BTN3A2: variants seen among roughly 807,000 people sequenced by gnomAD.
BTN3A2 encodes the protein butyrophilin protein.
In BTN3A2, 25 loss-of-function variants were observed where a neutral mutation model predicts 37.6. The observed-to-expected ratio is 0.66, with a 90% CI of 0.48 to 0.93. The LOEUF (loss-of-function observed/expected upper bound fraction) is 0.93, where lower values mean the gene tolerates loss of function less well. Among genes scored for constraint, BTN3A2 ranks in the 40% least tolerant of loss-of-function variants. The probability of loss-of-function intolerance (pLI) is 0.00; values close to 1 mark genes in which losing one functional copy is unlikely to be tolerated. For missense variants in BTN3A2, 266 were observed against 410.9 expected, an observed-to-expected ratio of 0.65 and a Z score of 3.05; for synonymous variants, 122 against 159.4, an observed-to-expected ratio of 0.77 and a Z score of 1.77.
intron 1 of BTN3A2, among the ~76,000 whole-genome samples, chr6:26,366,482 T>C (rs1479932467): frequency 6.6e-6 from 1 of 152,240 alleles, no homozygotes; most frequent in East Asian, 1.9e-4. Context: ...TATATTTTTT[T>C]CTTTGGCAAA....
At chr6:26,365,745 G>A (rs751471685) in intron 1 of BTN3A2, among the ~76,000 whole-genome samples, 15 of 152,004 alleles carry the variant, frequency 9.9e-5, no homozygotes, top group African/African-American at 3.6e-4. Context: ...CCAACTCAAG[G>A]CATCTATTCT....
Position 26,376,022 on chromosome 6 carries a change from C to T in BTN3A2, c.*260C>T, listed in dbSNP as rs1205553230. ...GAGATCAAGACCATCCTGGCTAACACGGTGAAACCCCGTCTCTACTAAAAA... is the reference window on the plus strand; with the variant it reads ...GAGATCAAGACCATCCTGGCTAACATGGTGAAACCCCGTCTCTACTAAAAA... On this transcript the variant is annotated 3_prime_UTR_variant, in exon 11 of 11. Coordinates refer to ENST00000377708, the MANE Select transcript of BTN3A2 (RefSeq NM_007047.5). The T allele has an allele frequency of 1.2e-5, 7 of 585,130 alleles. No individual in the cohort carries two copies. Among genetic ancestry groups the T allele is most frequent in the South Asian group, 2.7e-5 (1 of 37,200 alleles). 36.2% of individuals were successfully genotyped at this position (585,130 alleles called of 1,614,324 possible).
intron 5 of BTN3A2, among the ~76,000 whole-genome samples, chr6:26,372,276 CA>C (rs1760193421): frequency 6.6e-6 from 1 of 152,116 alleles, no homozygotes; most frequent in Non-Finnish European, 1.5e-5. Context: ...TTTTAAACTT[CA>C]ACAAGCAATT....
intron 5 of BTN3A2, among the ~76,000 whole-genome samples, chr6:26,372,354 A>G (rs1760198440): frequency 6.6e-6 from 1 of 152,232 alleles, no homozygotes; most frequent in Non-Finnish European, 1.5e-5. Context: ...CTCAGGAAAT[A>G]GGTATTATCA....
chr6:26,365,378 C>G (rs781780383), intron 1 of BTN3A2, 26 bp downstream of exon 1: 1 of 1,535,776 alleles, frequency 6.5e-7, no homozygotes, highest in Non-Finnish European at 8.7e-7. Context: ...TGATTAGAGC[C>G]TGGGCTACAA....
At chr6:26,370,736 C>T in intron 5 of BTN3A2, 133 bp downstream of exon 5, 1 of 1,441,554 alleles carries the variant, frequency 6.9e-7, no homozygotes, top group Non-Finnish European at 9.2e-7. Context: ...CTGGAGGCTC[C>T]TCTTTGTGCC....
chr6:26,374,233 AAAAAAAAG>A, intron 8 of BTN3A2, 86 bp from the exon 9 acceptor site: 4 of 491,300 alleles, frequency 8.1e-6, no homozygotes, highest in East Asian at 3.8e-5. Context: ...AAAAAAAAAA[AAAAAAAAG>A]ACTAGATGGA....
chr6:26,373,181 T>G (rs1389965111), intron 6 of BTN3A2, 84 bp downstream of exon 6: 2 of 1,603,450 alleles, frequency 1.2e-6, no homozygotes, highest in East Asian at 4.5e-5. Context: ...ACCCTGGCAC[T>G]GCATCATGTT....
In BTN3A2 at chr6:26,376,454, G is replaced by A; in HGVS notation, c.*692G>A. 1 of 873,844 alleles carries A rather than the reference G, an allele frequency of 1.1e-6. No homozygotes were observed. The highest frequency in any genetic ancestry group is 1.6e-6 in the Non-Finnish European group (1 of 622,526). 54.1% of individuals were successfully genotyped at this position (873,844 alleles called of 1,614,324 possible). The stretch of plus-strand genomic sequence containing the variant: ...TGATGAGAGAATCACATTCAGGGCA[G>A]GCTAGGGACACGGGGTTCTGGAAGG... On this transcript the variant is annotated 3_prime_UTR_variant, in exon 11 of 11. Coordinates refer to ENST00000377708, the MANE Select transcript of BTN3A2 (RefSeq NM_007047.5).
At chr6:26,365,751 A>C (rs1762006774) in intron 1 of BTN3A2, among the ~76,000 whole-genome samples, 1 of 152,192 alleles carries the variant, frequency 6.6e-6, no homozygotes, top group South Asian at 2.1e-4. Flanking sequence ...CAAGGCATCT[A>C]TTCTGAGAAA....
intron 10 of BTN3A2, 90 bp downstream of exon 10, chr6:26,374,888 A>G (rs1385827597): frequency 7.3e-7 from 1 of 1,374,022 alleles, no homozygotes; most frequent in East Asian, 2.3e-5. Flanking sequence ...TGTGATTTGG[A>G]GCAGAAAAGT....
chr6:26,370,799 C>T (rs1760035778), intron 5 of BTN3A2, among the ~76,000 whole-genome samples, 196 bp downstream of exon 5: 2 of 152,168 alleles, frequency 1.3e-5, no homozygotes, highest in Admixed American at 1.3e-4. Flanking sequence ...ATTTTCTGAA[C>T]ATTTCCTATC....
chr6:26,368,428 A>G, intron 3 of BTN3A2, 137 bp from the exon 4 acceptor site: 1 of 1,534,790 alleles, frequency 6.5e-7, no homozygotes, highest in East Asian at 2.3e-5. Context: ...TGTCACAAAG[A>G]GACAAATGGT....
At chr6:26,367,343 C>T (rs1228919006) in intron 1 of BTN3A2, among the ~76,000 whole-genome samples, 3 of 152,126 alleles carry the variant, frequency 2.0e-5, no homozygotes, top group East Asian at 1.9e-4. Context: ...TGCACCCATG[C>T]GAGTACTTCG....
intron 1 of BTN3A2, among the ~76,000 whole-genome samples, chr6:26,366,275 C>A (rs1291492595): frequency 6.6e-6 from 1 of 152,148 alleles, no homozygotes; most frequent in African/African-American, 2.4e-5. Flanking sequence ...CTAGATTGAA[C>A]AGCCTTATCC....
chr6:26,365,998 A>C (rs1213183877), intron 1 of BTN3A2, among the ~76,000 whole-genome samples: 2 of 152,170 alleles, frequency 1.3e-5, no homozygotes, highest in Non-Finnish European at 2.9e-5. Flanking sequence ...CCTTATATTA[A>C]ACCATTTTTG....
In BTN3A2 at chr6:26,368,819, CACA is replaced by C. The variant is rs1339911332; in HGVS notation, c.343_345del (p.Asn115del). 19 of 1,607,774 alleles carry C rather than the reference CACA, an allele frequency of 1.2e-5. No individual in the cohort carries two copies. Among genetic ancestry groups the C allele is most frequent in the East Asian group, 6.7e-5 (3 of 44,808 alleles). On this transcript the variant is annotated inframe_deletion, in exon 4 of 11. Coordinates refer to ENST00000377708, the MANE Select transcript of BTN3A2 (RefSeq NM_007047.5). The stretch of plus-strand genomic sequence containing the variant: ...TGCAGGGAAGGCTGCTCTCCGAATA[CACA>C]ACGTCACAGCCTCTGACAGTGGAAA...
chr6:26,375,494 C>T, intron 10 of BTN3A2: 2 of 727,716 alleles, frequency 2.7e-6, no homozygotes, highest in Non-Finnish European at 4.5e-6. Flanking sequence ...TCCTTTCTTT[C>T]TCCTTCTAAT....
chr6:26,365,738 A>T (rs995660499), intron 1 of BTN3A2, among the ~76,000 whole-genome samples: 1 of 152,180 alleles, frequency 6.6e-6, no homozygotes. Flanking sequence ...GTTCTGGCCA[A>T]CTCAAGGCAT....
Sources: gnomAD v4.1 joint callset for allele counts (sites outside exome capture counted in the v4.1 genomes callset) on GRCh38, gnomAD v4.1.1 for gene constraint, MANE v1.5 for transcripts, NCBI Gene and HGNC (gene_info 2026-07-23, HGNC 2026-07-21) for gene names.